UTRN: variants seen among roughly 807,000 people sequenced by gnomAD.
The protein encoded by UTRN is dystrophin-related protein 1.
UTRN carries 283 observed loss-of-function variants against 463.9 expected under a neutral mutation model. That is an observed-to-expected ratio of 0.61 (90% confidence interval 0.55 to 0.67). The LOEUF is 0.67. Among genes scored for constraint, UTRN ranks in the 30% least tolerant of loss-of-function variants. The pLI, the probability that UTRN is intolerant of heterozygous loss-of-function variation, is 0.00. For missense variants in UTRN, 3,922 were observed against 4,084.3 expected, an observed-to-expected ratio of 0.96 and a Z score of 1.08; for synonymous variants, 1,442 against 1,431.5, an observed-to-expected ratio of 1.01 and a Z score of -0.17.
At chr6:144,571,639 A>T (rs1005312703) in intron 50 of UTRN, among the ~76,000 whole-genome samples, 1 of 152,214 alleles carries the variant, frequency 6.6e-6, no homozygotes, top group African/African-American at 2.4e-5. Context: ...AAATACATAT[A>T]CAGTGTTGAC....
chr6:144,447,512 T>A, intron 15 of UTRN, 90 bp from the exon 16 acceptor site: 1 of 1,474,476 alleles, frequency 6.8e-7, no homozygotes, highest in Non-Finnish European at 9.3e-7. Flanking sequence ...CATTTTACTA[T>A]AAAAGATACA....
At chr6:144,690,793 G>T (rs1783319302) in intron 52 of UTRN, among the ~76,000 whole-genome samples, 1 of 152,086 alleles carries the variant, frequency 6.6e-6, no homozygotes, top group South Asian at 2.1e-4. Flanking sequence ...CCTTTTCCCT[G>T]ACCTGGATTG....
At chr6:144,687,805 A>G (rs952963949) in intron 52 of UTRN, among the ~76,000 whole-genome samples, 2 of 152,156 alleles carry the variant, frequency 1.3e-5, no homozygotes, top group South Asian at 2.1e-4. Context: ...TTGACATTAG[A>G]TAGCCTGATG....
At chr6:144,288,209 C>G (rs946225385) in intron 1 of UTRN, among the ~76,000 whole-genome samples, 1 of 152,196 alleles carries the variant, frequency 6.6e-6, no homozygotes. Flanking sequence ...TCTGCTGTAT[C>G]TTTGCAACCT....
In UTRN at chr6:144,749,614, A is replaced by T. The variant is rs149627041; in HGVS notation, c.8208+1100A>T. On this transcript the variant is annotated intron_variant, in intron 55 of 74. Coordinates refer to ENST00000367545, the MANE Select transcript of UTRN (RefSeq NM_007124.3). ...CCATTTTAAAACTTGCTTTATCTCG[A>T]GCCCCTTAATTTGGAAGCTCTTCAA... Among the ~76,000 whole-genome samples, 217 of 152,296 alleles carry T rather than the reference A, an allele frequency of 1.4e-3. 1 individual carries two copies. The highest frequency in any genetic ancestry group is 2.3e-3 in the Non-Finnish European group (154 of 68,016).
chr6:144,318,278 T>C (rs1422082361), intron 2 of UTRN, among the ~76,000 whole-genome samples: 3 of 152,146 alleles, frequency 2.0e-5, no homozygotes, highest in Admixed American at 1.3e-4. Flanking sequence ...AATTCCTTTA[T>C]AATGTCTTTA....
At chr6:144,636,234 C>G (rs2128658368) in intron 51 of UTRN, among the ~76,000 whole-genome samples, 1 of 152,180 alleles carries the variant, frequency 6.6e-6, no homozygotes, top group East Asian at 1.9e-4. Flanking sequence ...AGTTCACGTC[C>G]CTTGCAAGGA....
At chr6:144,728,315 A>G (rs1450302958) in intron 53 of UTRN, among the ~76,000 whole-genome samples, 2 of 152,062 alleles carry the variant, frequency 1.3e-5, no homozygotes, top group Admixed American at 1.3e-4. Flanking sequence ...TTATTCCTCT[A>G]GAGCTTCTTG....
At chr6:144,820,195 A>G (rs1223763450) in intron 65 of UTRN, among the ~76,000 whole-genome samples, 2 of 152,128 alleles carry the variant, frequency 1.3e-5, no homozygotes, top group Non-Finnish European at 2.9e-5. Context: ...GTTAGTCCAT[A>G]TCACCCTAAA....
At chr6:144,288,905 A>G (rs994639211) in intron 1 of UTRN, among the ~76,000 whole-genome samples, 9 of 152,120 alleles carry the variant, frequency 5.9e-5, no homozygotes, top group Admixed American at 1.3e-4. Flanking sequence ...CTGGGATTAC[A>G]GGTGTTTGCC....
intron 51 of UTRN, chr6:144,660,038 G>A (rs1779711063): frequency 2.8e-6 from 1 of 351,336 alleles, no homozygotes; most frequent in African/African-American, 2.1e-5. Context: ...CCCACAGTGG[G>A]GTGGCTAAAA....
intron 3 of UTRN, among the ~76,000 whole-genome samples, chr6:144,414,644 A>C (rs907006206): frequency 6.6e-6 from 1 of 151,610 alleles, no homozygotes; most frequent in Non-Finnish European, 1.5e-5. Flanking sequence ...TTCATTTACC[A>C]CTCACCCAGA....
chr6:144,572,479 A>G (rs1190324598), intron 50 of UTRN, among the ~76,000 whole-genome samples: 5 of 152,044 alleles, frequency 3.3e-5, no homozygotes, highest in African/African-American at 1.2e-4. Flanking sequence ...TGCTGCACCT[A>G]TCAACCTGTC....
At chr6:144,340,185 A>C (rs973662336) in intron 2 of UTRN, among the ~76,000 whole-genome samples, 8 of 152,298 alleles carry the variant, frequency 5.3e-5, no homozygotes, top group Non-Finnish European at 8.8e-5. Flanking sequence ...GAGAAAAAAA[A>C]AGAAGAGTTA....
intron 53 of UTRN, among the ~76,000 whole-genome samples, chr6:144,724,997 T>C (rs1787702381): frequency 6.6e-6 from 1 of 152,230 alleles, no homozygotes; most frequent in Non-Finnish European, 1.5e-5. Context: ...TGTTTAGCAT[T>C]TTGAGGACAT....
intron 2 of UTRN, among the ~76,000 whole-genome samples, chr6:144,346,603 C>T (rs1777589734): frequency 6.6e-6 from 1 of 152,168 alleles, no homozygotes; most frequent in Non-Finnish European, 1.5e-5. Context: ...GGCAGATCAC[C>T]TGAGGTCAGG....
intron 51 of UTRN, among the ~76,000 whole-genome samples, chr6:144,663,521 A>G (rs1780090538): frequency 6.6e-6 from 1 of 152,226 alleles, no homozygotes; most frequent in Admixed American, 6.5e-5. Flanking sequence ...TCTTTTGTTT[A>G]ATAGTCACAG....
chr6:144,425,911 T>C (rs1785253731), intron 6 of UTRN, among the ~76,000 whole-genome samples: 2 of 152,250 alleles, frequency 1.3e-5, no homozygotes, highest in African/African-American at 4.8e-5. Flanking sequence ...AAGTTTTTCC[T>C]TTCTCATTTT....
chr6:144,850,377 G>A (rs1782386353), intron 74 of UTRN, among the ~76,000 whole-genome samples: 1 of 152,084 alleles, frequency 6.6e-6, no homozygotes, highest in South Asian at 2.1e-4. Context: ...GACCAGTTTG[G>A]ATGATTTCAT....
Sources: allele counts gnomAD v4.1 joint callset (sites outside exome capture counted in the v4.1 genomes callset), GRCh38; gene constraint gnomAD v4.1.1; transcripts MANE v1.5; gene names NCBI Gene and HGNC (gene_info 2026-07-23, HGNC 2026-07-21).